Variants in TLN2 observed in about 807,000 individuals in gnomAD.
The protein encoded by TLN2 is talin 2, also known as talin-2.
In TLN2, 118 loss-of-function variants were observed where a neutral mutation model predicts 294.7. That is an observed-to-expected ratio of 0.40 (90% CI 0.34 to 0.47). The LOEUF (loss-of-function observed/expected upper bound fraction) is 0.47. Ranked by LOEUF, TLN2 falls within the 20% of genes least tolerant of loss-of-function variation. The probability of loss-of-function intolerance (pLI) is 0.84; values close to 1 mark genes in which losing one functional copy is unlikely to be tolerated. For synonymous variants in TLN2, 1,431 were observed against 1,304.5 expected, an observed-to-expected ratio of 1.10 and a Z score of -2.09; for missense variants, 3,083 against 3,282.2, an observed-to-expected ratio of 0.94 and a Z score of 1.48.
chr15:62,573,843 C>A (rs193036216), intron 1 of TLN2, among the ~76,000 whole-genome samples: 25 of 151,250 alleles, frequency 1.7e-4, no homozygotes, highest in African/African-American at 6.1e-4. Context: ...ATTATTATTC[C>A]TTTCTATGGA....
chr15:62,709,364 G>A (rs2059276255), intron 21 of TLN2, among the ~76,000 whole-genome samples: 1 of 152,172 alleles, frequency 6.6e-6, no homozygotes, highest in South Asian at 2.1e-4. Flanking sequence ...GTGGTGGCTA[G>A]TTACCTGGTA....
intron 1 of TLN2, among the ~76,000 whole-genome samples, chr15:62,498,048 G>C (rs539097349): frequency 2.0e-5 from 3 of 149,650 alleles, no homozygotes; most frequent in South Asian, 4.2e-4. Context: ...AGGAGTTCGA[G>C]AGCAGCCTGG....
chr15:62,808,094 C>T (rs746790948), intron 51 of TLN2, among the ~76,000 whole-genome samples: 1 of 152,140 alleles, frequency 6.6e-6, no homozygotes, highest in Admixed American at 6.5e-5. Context: ...ACTCAGCCCA[C>T]ACACGGAGGG....
At chr15:62,744,181 G>T (rs558508949) in intron 32 of TLN2, among the ~76,000 whole-genome samples, 1 of 152,042 alleles carries the variant, frequency 6.6e-6, no homozygotes, top group African/African-American at 2.4e-5. Context: ...CTCTGTGCCC[G>T]GCAGCTGAGG....
chr15:62,792,956 A>C (rs1034057296), intron 46 of TLN2, among the ~76,000 whole-genome samples, 169 bp downstream of exon 46: 1 of 152,206 alleles, frequency 6.6e-6, no homozygotes, highest in Non-Finnish European at 1.5e-5. Context: ...GGGGTGCATC[A>C]GGGAGCTGGG....
intron 51 of TLN2, among the ~76,000 whole-genome samples, chr15:62,808,538 C>A (rs187445899): frequency 1.2e-4 from 18 of 152,296 alleles, no homozygotes; most frequent in Non-Finnish European, 2.1e-4. Flanking sequence ...ACATTGTTCT[C>A]CCAAAGGGTT....
intron 9 of TLN2, among the ~76,000 whole-genome samples, chr15:62,670,143 A>T (rs938579584): frequency 2.6e-5 from 4 of 152,158 alleles, no homozygotes; most frequent in Non-Finnish European, 5.9e-5. Context: ...CATTGCTCTG[A>T]GAGGGCTTGA....
At chr15:62,791,480 T>C (rs937186641) in intron 45 of TLN2, among the ~76,000 whole-genome samples, 1 of 151,746 alleles carries the variant, frequency 6.6e-6, no homozygotes. Flanking sequence ...AGGAAGAGAG[T>C]TTTTTCCCTA....
At chr15:62,592,738 A>T (rs1209831720) in intron 2 of TLN2, among the ~76,000 whole-genome samples, 4 of 152,304 alleles carry the variant, frequency 2.6e-5, no homozygotes, top group African/African-American at 7.2e-5. Flanking sequence ...TCTGGATGAG[A>T]TCTTGTAGGG....
At chr15:62,445,484 C>T (rs2035770410) in intron 1 of TLN2, among the ~76,000 whole-genome samples, 1 of 152,124 alleles carries the variant, frequency 6.6e-6, no homozygotes, top group African/African-American at 2.4e-5. Flanking sequence ...CACACACACA[C>T]CCTTAAGTAG....
intron 9 of TLN2, 169 bp downstream of exon 9, chr15:62,658,067 A>G (rs2053410995): frequency 3.4e-6 from 2 of 585,528 alleles, no homozygotes; most frequent in African/African-American, 1.9e-5. Context: ...TTTTGGGGAA[A>G]GCAAGAGAAA....
intron 1 of TLN2, among the ~76,000 whole-genome samples, chr15:62,582,221 CACACACACACACACACACACACACA>C (rs2045145257): frequency 1.4e-5 from 2 of 142,552 alleles, no homozygotes; most frequent in Admixed American, 1.5e-4. Flanking sequence ...CACACACACA[CACACACACACACACACACACACACA>C]CATTCATGCC....
At chr15:62,703,333 C>T (rs950097413) in intron 19 of TLN2, among the ~76,000 whole-genome samples, 1 of 152,112 alleles carries the variant, frequency 6.6e-6, no homozygotes, top group Non-Finnish European at 1.5e-5. Context: ...GAACTTTGAC[C>T]TCGTGATCTG....
intron 10 of TLN2, 65 bp from the exon 11 acceptor site, chr15:62,675,152 C>T: frequency 1.4e-6 from 2 of 1,474,420 alleles, no homozygotes; most frequent in East Asian, 2.3e-5. Flanking sequence ...CAGTAACTAC[C>T]TCTCTCCAAG....
At chr15:62,545,991 CAGT>C (rs1298710416) in intron 1 of TLN2, among the ~76,000 whole-genome samples, 2 of 152,058 alleles carry the variant, frequency 1.3e-5, no homozygotes, top group Non-Finnish European at 2.9e-5. Flanking sequence ...TTCTATGAAG[CAGT>C]AGAGCCAGAA....
chr15:62,547,991 A>C (rs183029521), intron 1 of TLN2, among the ~76,000 whole-genome samples: 25 of 152,356 alleles, frequency 1.6e-4, no homozygotes, highest in Non-Finnish European at 2.9e-4. Context: ...CATTTATCAC[A>C]AGATATTCTT....
At chr15:62,499,284 A>T (rs1482858181) in intron 1 of TLN2, among the ~76,000 whole-genome samples, 2 of 152,116 alleles carry the variant, frequency 1.3e-5, no homozygotes, top group East Asian at 3.9e-4. Context: ...CCCCGTGTCT[A>T]CCAAAAAATA....
At chr15:62,392,708 TC>T (rs1283097617) in intron 1 of TLN2, among the ~76,000 whole-genome samples, 1 of 152,142 alleles carries the variant, frequency 6.6e-6, no homozygotes, top group East Asian at 1.9e-4. Flanking sequence ...CTTCCGGTCT[TC>T]TTCACTGAAG....
At chr15:62,727,272 G>C in intron 28 of TLN2, 83 bp downstream of exon 28, 1 of 1,226,030 alleles carries the variant, frequency 8.2e-7, no homozygotes, top group South Asian at 1.4e-5. Flanking sequence ...TCATTCCTTT[G>C]ACAATACACG....
Sources: gnomAD v4.1 joint callset for allele counts (sites outside exome capture counted in the v4.1 genomes callset) on GRCh38, gnomAD v4.1.1 for gene constraint, MANE v1.5 for transcripts, NCBI Gene and HGNC (gene_info 2026-07-23, HGNC 2026-07-21) for gene names.